GPA33: variants seen among roughly 807,000 people sequenced by gnomAD.
GPA33 encodes the protein glycoprotein A33, also known as cell surface A33 antigen.
In GPA33, 27 loss-of-function variants were observed where a neutral mutation model predicts 35.6. That is an observed-to-expected ratio of 0.76 (90% confidence interval 0.56 to 1.04). The LOEUF (loss-of-function observed/expected upper bound fraction) is 1.04. GPA33 is among the 50% of genes least tolerant of loss of function. GPA33 has a pLI of 0.00. For missense variants in GPA33, 428 were observed against 411.9 expected (o/e 1.04, Z -0.34); for synonymous variants, 176 against 164.0 (o/e 1.07, Z -0.56).
chr1:167,077,576 TG>T (rs1666849463), intron 1 of GPA33, among the ~76,000 whole-genome samples: 1 of 152,200 alleles, frequency 6.6e-6, no homozygotes, highest in South Asian at 2.1e-4. Flanking sequence ...CATGCACAGT[TG>T]GTCCCCAAAA....
Position 167,054,375 on chromosome 1 carries a change from T to C in GPA33, c.919A>G (p.Arg307Gly), listed in dbSNP as rs772321239. The C allele has an allele frequency of 2.5e-6, 4 of 1,614,128 alleles. No homozygotes were observed. The East Asian group carries it at 6.7e-5, about 27-fold the overall frequency. The stretch of plus-strand genomic sequence containing the variant: ...TCCGGGGATTCACGCCCAGTGCTCC[T>C]CTGCTCTTCTTGCCTGTAGTCATCC... ...EEDDYRQEEQRSTGRESPDHL... is the reference protein window; with the variant it reads ...EEDDYRQEEQGSTGRESPDHL... Residue 307 changes from arginine (R) to glycine (G), a missense_variant, in exon 7 of 7, where the codon AGG becomes GGG. Coordinates refer to ENST00000367868, the MANE Select transcript of GPA33 (RefSeq NM_005814.3).
chr1:167,064,069 C>T (rs1194528512), intron 3 of GPA33, among the ~76,000 whole-genome samples: 4 of 151,930 alleles, frequency 2.6e-5, no homozygotes, highest in South Asian at 4.2e-4. Flanking sequence ...AGATGGGGTT[C>T]GAGATGAGTT....
At chr1:167,079,094 A>G (rs1666877311) in intron 1 of GPA33, among the ~76,000 whole-genome samples, 1 of 152,236 alleles carries the variant, frequency 6.6e-6, no homozygotes, top group Non-Finnish European at 1.5e-5. Context: ...TAACTAAAGA[A>G]TAGATCAATT....
chr1:167,054,889 T>G, intron 6 of GPA33, 87 bp downstream of exon 6: 2 of 1,464,724 alleles, frequency 1.4e-6, no homozygotes, highest in Non-Finnish European at 1.9e-6. Flanking sequence ...CAAGGGGTGC[T>G]GCAAGTAGAA....
intron 3 of GPA33, among the ~76,000 whole-genome samples, chr1:167,068,239 A>G (rs1295520383): frequency 6.6e-6 from 1 of 152,210 alleles, no homozygotes; most frequent in Non-Finnish European, 1.5e-5. Context: ...TTGGACATAG[A>G]CTAAGTGCTC....
intron 1 of GPA33, chr1:167,082,154 A>G (rs1666962361): frequency 2.3e-6 from 1 of 431,288 alleles, no homozygotes; most frequent in Admixed American, 2.5e-5. Context: ...TGCATACAAC[A>G]GTGTCCCAGT....
intron 2 of GPA33, 91 bp downstream of exon 2, chr1:167,073,294 T>C: frequency 9.1e-7 from 1 of 1,103,790 alleles, no homozygotes. Flanking sequence ...TTCTACCATT[T>C]ATGGAAAGAC....
chr1:167,053,989 A>G lies in GPA33; in HGVS notation c.*345T>C. On this transcript the variant is annotated 3_prime_UTR_variant, in exon 7 of 7. Transcript: ENST00000367868. ...CAAGGCTGGCATCGCCTCCCTGGAG[A>G]GTTCTGAGTGGGAGCGCCCCATGCT... is the stretch of plus-strand genomic sequence containing the variant. The G allele has an allele frequency of 3.6e-6, 1 of 280,640 alleles. No homozygotes were observed. The highest frequency in any genetic ancestry group is 5.5e-5 in the South Asian group (1 of 18,294). The allele number at this position is 280,640 out of a possible 1,614,324, so 17.4% of individuals were successfully genotyped here.
At chr1:167,065,940 A>G (rs529269423) in intron 3 of GPA33, among the ~76,000 whole-genome samples, 3 of 152,120 alleles carry the variant, frequency 2.0e-5, no homozygotes, top group Non-Finnish European at 4.4e-5. Context: ...GCAGCCAACA[A>G]GCAGGTCCCC....
chr1:167,059,773 T>C (rs564615513), intron 4 of GPA33, among the ~76,000 whole-genome samples: 3 of 152,336 alleles, frequency 2.0e-5, no homozygotes, highest in East Asian at 3.9e-4. Flanking sequence ...CCAGTTTTTT[T>C]CAAAGGGCAG....
At chr1:167,067,105 TA>T (rs1171165778) in intron 3 of GPA33, among the ~76,000 whole-genome samples, 6 of 152,180 alleles carry the variant, frequency 3.9e-5, no homozygotes, top group African/African-American at 1.4e-4. Context: ...TCGAGTGCAT[TA>T]AAAAAATGGG....
At chr1:167,089,831 A>T (rs1179015235) in intron 1 of GPA33, among the ~76,000 whole-genome samples, 1 of 151,962 alleles carries the variant, frequency 6.6e-6, no homozygotes, top group Non-Finnish European at 1.5e-5. Flanking sequence ...CTTCTGCCTC[A>T]GTTTCCTGTC....
At chr1:167,056,635 G>A (rs56397758) in intron 4 of GPA33, among the ~76,000 whole-genome samples, 1 of 462 alleles carries the variant, frequency 2.2e-3, no homozygotes, top group Non-Finnish European at 4.6e-3. Context: ...TGTGTGATGT[G>A]TGTGGTGTGT....
intron 1 of GPA33, among the ~76,000 whole-genome samples, chr1:167,076,293 G>A (rs1318626199): frequency 1.3e-5 from 2 of 152,142 alleles, no homozygotes; most frequent in African/African-American, 4.8e-5. Context: ...GGGAGGACAG[G>A]CCTTAGAAGA....
At chr1:167,054,549 AAGAGCAG>A in intron 6 of GPA33, 83 bp from the exon 7 acceptor site, 1 of 1,561,834 alleles carries the variant, frequency 6.4e-7, no homozygotes, top group Non-Finnish European at 8.8e-7. Flanking sequence ...GCATTACAGG[AAGAGCAG>A]CCTCCAGACC....
intron 1 of GPA33, 93 bp from the exon 2 acceptor site, chr1:167,073,632 G>T: frequency 1.8e-6 from 2 of 1,140,706 alleles, no homozygotes; most frequent in Non-Finnish European, 2.5e-6. Flanking sequence ...GAATGTCCAG[G>T]GCTGTTCTTG....
At chr1:167,073,696 T>C (rs1486411370) in intron 1 of GPA33, among the ~76,000 whole-genome samples, 157 bp from the exon 2 acceptor site, 1 of 152,170 alleles carries the variant, frequency 6.6e-6, no homozygotes, top group Admixed American at 6.5e-5. Flanking sequence ...GGCAACCAGC[T>C]TCTCCTCCAA....
At position 167,052,906 on chromosome 1, in the gene GPA33, T is replaced by C. The variant is rs1053401963; in HGVS notation, c.*1428A>G. ...ATGAAGCAAAGGATTTAACAATATA[T>C]ATAAAAATATACATTTTTTAAAAAA... On this transcript the variant is annotated 3_prime_UTR_variant, in exon 7 of 7. Transcript: ENST00000367868. The C allele has an allele frequency of 3.9e-5, 6 of 152,192 alleles. 1 individual carries two copies. The highest frequency in any genetic ancestry group is 2.6e-4 in the Admixed American group (4 of 15,280). 9.4% of individuals were successfully genotyped at this position (152,192 alleles called of 1,614,324 possible).
intron 1 of GPA33, among the ~76,000 whole-genome samples, chr1:167,078,178 T>G (rs149800285): frequency 6.6e-6 from 1 of 152,212 alleles, no homozygotes; most frequent in Non-Finnish European, 1.5e-5. Context: ...CTCTTCTGCT[T>G]TCTTCAGTCA....
Sources: allele counts gnomAD v4.1 joint callset (sites outside exome capture counted in the v4.1 genomes callset), GRCh38; gene constraint gnomAD v4.1.1; transcripts MANE v1.5; gene names NCBI Gene and HGNC (gene_info 2026-07-23, HGNC 2026-07-21).